Variants in TNRC6C observed in about 807,000 individuals in gnomAD.
TNRC6C encodes the protein trinucleotide repeat-containing gene 6C protein.
TNRC6C carries 20 observed loss-of-function variants against 153.7 expected under a neutral mutation model. The observed-to-expected ratio is 0.13, with a 90% CI of 0.09 to 0.19. The LOEUF is 0.19. Ranked by LOEUF, TNRC6C falls within the 10% of genes least tolerant of loss-of-function variation. The pLI is 1.00. For synonymous variants in TNRC6C, 811 were observed against 841.4 expected (o/e 0.96, Z 0.63); for missense variants, 1,987 against 2,172.0 (o/e 0.91, Z 1.69).
chr17:77,980,878 C>T (rs2071066291), intron 1 of TNRC6C, among the ~76,000 whole-genome samples: 1 of 152,188 alleles, frequency 6.6e-6, no homozygotes, highest in South Asian at 2.1e-4. Flanking sequence ...TGCTTCCATG[C>T]CCTCTCTGTT....
At chr17:77,993,489 A>C (rs1182769621) in intron 1 of TNRC6C, among the ~76,000 whole-genome samples, 1 of 152,262 alleles carries the variant, frequency 6.6e-6, no homozygotes, top group East Asian at 1.9e-4. Context: ...AGCTATAACT[A>C]ATAAATACTT....
At chr17:77,958,659 C>A (rs2070832026), upstream of TNRC6C, among the ~76,000 whole-genome samples, 1 of 151,670 alleles carries the variant, frequency 6.6e-6, no homozygotes, top group African/African-American at 2.4e-5. Flanking sequence ...GAAGGGGGCG[C>A]GAGCGCCCCG....
At chr17:78,019,610 CAA>C (rs1370558644) in intron 1 of TNRC6C, among the ~76,000 whole-genome samples, 1 of 152,152 alleles carries the variant, frequency 6.6e-6, no homozygotes, top group Non-Finnish European at 1.5e-5. Flanking sequence ...GCTTACTAGG[CAA>C]AGAGTAACCA....
In TNRC6C at chr17:78,016,580, G is replaced by A. The variant is rs138729702; in HGVS notation, c.-546+11501G>A. Among the ~76,000 whole-genome samples, 7 of 152,256 alleles carry A rather than the reference G, an allele frequency of 4.6e-5. No individual in the cohort carries two copies. The East Asian group carries it at 1.3e-3, about 29-fold the overall frequency. On this transcript the variant is annotated intron_variant, in intron 1 of 19. Transcript: ENST00000301624. ...GGAGATATGGGAACCAAATTAAGGG[G>A]GGTGGTTTAGAACCAGAGTAAGATC...
intron 1 of TNRC6C, among the ~76,000 whole-genome samples, chr17:77,969,398 C>T (rs1336012235): frequency 3.3e-5 from 5 of 152,010 alleles, no homozygotes; most frequent in South Asian, 2.1e-4. Context: ...TACAGGTGCC[C>T]GCCACCATGC....
chr17:77,966,283 C>T (rs1015813832), intron 1 of TNRC6C, among the ~76,000 whole-genome samples: 1 of 151,992 alleles, frequency 6.6e-6, no homozygotes, highest in African/African-American at 2.4e-5. Context: ...CCTTAGGAAC[C>T]GTTGGTGGCT....
At chr17:78,028,419 G>A (rs562125525) in intron 1 of TNRC6C, among the ~76,000 whole-genome samples, 73 of 152,268 alleles carry the variant, frequency 4.8e-4, no homozygotes, top group Non-Finnish European at 7.2e-4. Flanking sequence ...CCATGCATTC[G>A]TAGCAGTACC....
intron 11 of TNRC6C, among the ~76,000 whole-genome samples, chr17:78,085,406 A>G (rs577032292): frequency 1.3e-5 from 2 of 152,212 alleles, no homozygotes; most frequent in African/African-American, 2.4e-5. Flanking sequence ...GATTCACTTA[A>G]GTGGGGTATT....
At chr17:78,083,157 G>C (rs987589824) in exon 11 of TNRC6C, 1 of 1,613,836 alleles carries the variant, frequency 6.2e-7, no homozygotes. Context: ...AGCTCTATCA[G>C]CTGCAGCTGG....
chr17:78,096,602 TG>T (rs888589992), intron 16 of TNRC6C, among the ~76,000 whole-genome samples: 1 of 152,222 alleles, frequency 6.6e-6, no homozygotes, highest in African/African-American at 2.4e-5. Context: ...CAACGCCATG[TG>T]GGCCTACGGC....
In TNRC6C at chr17:78,077,510, T is replaced by C. The variant is rs2073105640; in HGVS notation, c.3210+176T>C. 1.8e-5 allele frequency: 14 copies of C among 780,898 alleles called. No individual in the cohort carries two copies. In the South Asian group the frequency reaches 2.6e-4, roughly 14 times the overall value. 48.4% of individuals were successfully genotyped at this position (780,898 alleles called of 1,614,324 possible). A position where few individuals can be genotyped will look rare whatever the true frequency, so the allele number is the denominator to read the frequency against. ...TCAGGTGACTTACTGGAGTCAAGAGTTGAAGTAGGAAATGCTTTAGTTATA... is the reference window on the plus strand; with the variant it reads ...TCAGGTGACTTACTGGAGTCAAGAGCTGAAGTAGGAAATGCTTTAGTTATA... On this transcript the variant is annotated intron_variant, in intron 9 of 19. Transcript: ENST00000301624.
chr17:77,968,368 G>A (rs995444407), intron 1 of TNRC6C, among the ~76,000 whole-genome samples: 2 of 150,480 alleles, frequency 1.3e-5, no homozygotes, highest in Admixed American at 6.7e-5. Flanking sequence ...TTGAGACGTA[G>A]TCTTGTTCTG....
intron 2 of TNRC6C, among the ~76,000 whole-genome samples, chr17:78,035,943 G>A (rs1399122675): frequency 6.6e-6 from 1 of 152,012 alleles, no homozygotes; most frequent in East Asian, 1.9e-4. Context: ...ACTTTAATGT[G>A]GAAGTGACTC....
chr17:78,079,068 G>A lies in TNRC6C; in HGVS notation c.3211-327G>A, dbSNP rs2073133290. ...ATCGCACTACTGCATTCCAGCCTGGGTGACAGAGCAAAACTCCATCTAAAA... is the reference window on the plus strand; with the variant it reads ...ATCGCACTACTGCATTCCAGCCTGGATGACAGAGCAAAACTCCATCTAAAA... On this transcript the variant is annotated intron_variant, in intron 9 of 19. Transcript: ENST00000301624. The surrounding 1 kb of genome is among the most constrained non-coding windows in gnomAD (Gnocchi z 4.3). 1.3e-5 allele frequency among the ~76,000 whole-genome samples: 2 copies of A among 151,924 alleles called. No individual in the cohort carries two copies. Among genetic ancestry groups the A allele is most frequent in the Admixed American group, 1.3e-4 (2 of 15,252 alleles).
chr17:77,994,524 T>C (rs1052476903), intron 1 of TNRC6C, among the ~76,000 whole-genome samples: 1 of 152,186 alleles, frequency 6.6e-6, no homozygotes, highest in African/African-American at 2.4e-5. Context: ...TTGCAAAACC[T>C]TTGAATAGAA....
intron 1 of TNRC6C, among the ~76,000 whole-genome samples, chr17:78,028,020 C>T (rs950345245): frequency 1.3e-5 from 2 of 151,844 alleles, no homozygotes; most frequent in Non-Finnish European, 2.9e-5. Flanking sequence ...CTCAGCCTCC[C>T]GAGTAGCTGG....
chr17:77,979,668 A>G (rs2144099399), intron 1 of TNRC6C, among the ~76,000 whole-genome samples: 1 of 152,342 alleles, frequency 6.6e-6, no homozygotes, highest in East Asian at 1.9e-4. Flanking sequence ...CAATAGTAAA[A>G]GACATAATAA....
At position 78,035,906 on chromosome 17, in the gene TNRC6C, T is replaced by C. The variant is rs573446506; in HGVS notation, c.-219+4064T>C. Among the ~76,000 whole-genome samples the C allele has an allele frequency of 4.6e-5, 7 of 152,328 alleles. No homozygotes were observed. The South Asian group carries it at 1.2e-3, about 27-fold the overall frequency. ...TATCAACTTTCTTAAAAGTAATACA[T>C]AGATTTTCATTGTACTTTAATCTGT... On this transcript the variant is annotated intron_variant, in intron 2 of 19. Transcript: ENST00000301624.
chr17:78,055,864 T>G (rs2072643282), intron 3 of TNRC6C, among the ~76,000 whole-genome samples: 3 of 152,158 alleles, frequency 2.0e-5, no homozygotes, highest in Admixed American at 2.0e-4. Flanking sequence ...TTTCCAAGGG[T>G]ACATATGTGG....
Sources: gnomAD v4.1 joint callset for allele counts (sites outside exome capture counted in the v4.1 genomes callset) on GRCh38, gnomAD v4.1.1 for gene constraint, Gnocchi (gnomAD v3.1) non-coding constraint, MANE v1.5 for transcripts, NCBI Gene and HGNC (gene_info 2026-07-23, HGNC 2026-07-21) for gene names.